The following MME variants were observed in gnomAD, a reference collection of about 807,000 sequenced individuals.
MME encodes the protein membrane metalloendopeptidase.
MME carries 98 observed loss-of-function variants against 113.2 expected under a neutral mutation model. The ratio of observed to expected loss-of-function variants is 0.87; its 90% CI spans 0.74 to 1.02. MME has a LOEUF of 1.02. MME is among the 50% of genes least tolerant of loss of function. MME has a pLI of 0.00. For missense variants in MME, 836 were observed against 896.0 expected, an observed-to-expected ratio of 0.93 and a Z score of 0.86; for synonymous variants, 292 against 300.6, an observed-to-expected ratio of 0.97 and a Z score of 0.30.
In MME at chr3:155,177,015, G is replaced by C. The variant is rs535006546; in HGVS notation, c.2154-3345G>C. ...ACACCAGGCTGAGTATTTCTGCAGT[G>C]CCCACTCTCTGCGGTGTTATCTGAA... On this transcript the variant is annotated intron_variant, in intron 22 of 22. Coordinates refer to ENST00000360490, the MANE Select transcript of MME (RefSeq NM_007289.4). 5.0e-4 allele frequency among the ~76,000 whole-genome samples: 76 copies of C among 152,220 alleles called. 1 individual carries two copies. The highest frequency in any genetic ancestry group is 1.7e-3 in the African/African-American group (72 of 41,550).
upstream of MME, chr3:155,079,986 C>T (rs2108154061): frequency 6.6e-6 from 1 of 152,546 alleles, no homozygotes; most frequent in South Asian, 2.1e-4. Context: ...CCTCCAACTT[C>T]TCCCGAATCC....
chr3:155,118,930 G>C, intron 8 of MME, 119 bp downstream of exon 8: 1 of 713,830 alleles, frequency 1.4e-6, no homozygotes, highest in Non-Finnish European at 2.5e-6. Context: ...ATTCATGACA[G>C]GGACTTAAAA....
At chr3:155,097,472 T>C (rs1037250738) in intron 3 of MME, among the ~76,000 whole-genome samples, 2 of 152,120 alleles carry the variant, frequency 1.3e-5, no homozygotes, top group Non-Finnish European at 2.9e-5. Flanking sequence ...TAAGCACAGC[T>C]GAGAGGTTGA....
At chr3:155,063,111 A>T (rs1559896475) in intron 1 of MME, among the ~76,000 whole-genome samples, 11 of 140,630 alleles carry the variant, frequency 7.8e-5, no homozygotes, top group Non-Finnish European at 1.2e-4. Context: ...TTATATAAAT[A>T]TATGTTATAT....
chr3:155,147,524 A>G (rs1175375106), intron 15 of MME, among the ~76,000 whole-genome samples: 1 of 152,194 alleles, frequency 6.6e-6, no homozygotes, highest in Non-Finnish European at 1.5e-5. Flanking sequence ...GTGGTGAACA[A>G]CAGGCAGGCT....
chr3:155,162,879 G>T (rs1374829625), intron 17 of MME, among the ~76,000 whole-genome samples: 1 of 151,690 alleles, frequency 6.6e-6, no homozygotes, highest in African/African-American at 2.4e-5. Context: ...CCAGTGTGGT[G>T]GTGGGTGCCT....
chr3:155,153,330 G>A (rs973369825), intron 16 of MME, among the ~76,000 whole-genome samples: 8 of 152,238 alleles, frequency 5.3e-5, no homozygotes, highest in African/African-American at 1.7e-4. Context: ...TGTGGTTTCT[G>A]ATGCCTAGTA....
intron 1 of MME, among the ~76,000 whole-genome samples, chr3:155,064,897 G>T (rs1487444936): frequency 1.3e-5 from 2 of 152,120 alleles, no homozygotes; most frequent in Admixed American, 6.6e-5. Context: ...GGTGTCCTTT[G>T]GCTTGTAGGT....
intron 1 of MME, among the ~76,000 whole-genome samples, chr3:155,060,230 C>A (rs2108134815): frequency 6.6e-6 from 1 of 152,234 alleles, no homozygotes; most frequent in South Asian, 2.1e-4. Context: ...CAAATGTCCT[C>A]CCTTTGGGCT....
At chr3:155,037,755 C>CAAGTT (rs1247356164) in intron 1 of MME, among the ~76,000 whole-genome samples, 1 of 152,120 alleles carries the variant, frequency 6.6e-6, no homozygotes, top group African/African-American at 2.4e-5. Flanking sequence ...GCTAGAAGGT[C>CAAGTT]AAGTTATGTG....
intron 16 of MME, among the ~76,000 whole-genome samples, chr3:155,154,866 C>T (rs12053875): frequency 9.9e-5 from 15 of 152,142 alleles, no homozygotes; most frequent in Non-Finnish European, 2.1e-4. Flanking sequence ...TAAATGTAGA[C>T]GGAGATGATT....
intron 16 of MME, chr3:155,158,761 G>A (rs1722495739): frequency 6.6e-6 from 1 of 151,940 alleles, no homozygotes; most frequent in East Asian, 1.9e-4. Flanking sequence ...AGCAAATAGA[G>A]TTTAATTAAA....
At chr3:155,135,628 G>T (rs1381648004) in intron 8 of MME, among the ~76,000 whole-genome samples, 2 of 151,906 alleles carry the variant, frequency 1.3e-5, no homozygotes, top group Non-Finnish European at 1.5e-5. Flanking sequence ...GCTCTTTTTT[G>T]GTTTTATATG....
intron 8 of MME, among the ~76,000 whole-genome samples, chr3:155,134,556 T>C (rs1720467836): frequency 6.6e-6 from 1 of 152,190 alleles, no homozygotes; most frequent in African/African-American, 2.4e-5. Context: ...ATTCTCTAGG[T>C]TGATTCTACG....
At chr3:155,084,979 GT>G (rs1457022816) in intron 2 of MME, 79 bp from the exon 3 acceptor site, 19 of 998,626 alleles carry the variant, frequency 1.9e-5, no homozygotes, top group Non-Finnish European at 2.8e-5. Flanking sequence ...TTAATTGGCA[GT>G]TTTTAAAAGA....
intron 1 of MME, among the ~76,000 whole-genome samples, chr3:155,031,152 A>G (rs1222757194): frequency 6.6e-6 from 1 of 152,142 alleles, no homozygotes; most frequent in African/African-American, 2.4e-5. Flanking sequence ...TTAACATTTT[A>G]CAGACATGTT....
At chr3:155,146,996 A>C in intron 14 of MME, 148 bp from the exon 15 acceptor site, 2 of 630,126 alleles carry the variant, frequency 3.2e-6, no homozygotes, top group Non-Finnish European at 5.8e-6. Flanking sequence ...GGAAAGAGCC[A>C]TTGCAAAGAT....
At chr3:155,094,527 G>A (rs770096702) in intron 3 of MME, among the ~76,000 whole-genome samples, 9 of 152,084 alleles carry the variant, frequency 5.9e-5, no homozygotes, top group African/African-American at 1.9e-4. Context: ...ATCAAAAGGC[G>A]AACAGTGTAT....
At chr3:155,067,414 G>A (rs1422026990) in intron 1 of MME, among the ~76,000 whole-genome samples, 29 of 139,828 alleles carry the variant, frequency 2.1e-4, no homozygotes, top group Non-Finnish European at 1.5e-4. Flanking sequence ...AGGTTCAAAC[G>A]ATTCTCCTGC....
Sources: allele counts gnomAD v4.1 joint callset (sites outside exome capture counted in the v4.1 genomes callset), GRCh38; gene constraint gnomAD v4.1.1; transcripts MANE v1.5; gene names NCBI Gene and HGNC (gene_info 2026-07-23, HGNC 2026-07-21).